The following NCAN variants were observed in gnomAD, a reference collection of about 807,000 sequenced individuals.
NCAN encodes the protein neurocan, also known as neurocan core protein.
A neutral mutation model predicts 121.8 loss-of-function variants in NCAN; 47 were observed. The observed-to-expected ratio is 0.39, with a 90% CI of 0.31 to 0.49. The LOEUF is 0.49. Ranked by LOEUF, NCAN falls within the 20% of genes least tolerant of loss-of-function variation. The probability of loss-of-function intolerance (pLI) is 0.92; values close to 1 mark genes in which losing one functional copy is unlikely to be tolerated. For synonymous variants in NCAN, 633 were observed against 702.0 expected (o/e 0.90, Z 1.55); for missense variants, 1,517 against 1,773.4 (o/e 0.86, Z 2.60).
chr19:19,222,435 C>A (rs1194950440), intron 3 of NCAN, among the ~76,000 whole-genome samples: 1 of 152,142 alleles, frequency 6.6e-6, no homozygotes, highest in Non-Finnish European at 1.5e-5. Flanking sequence ...CACACAACCA[C>A]ACCTGGCTAA....
chr19:19,233,923 AG>A lies in NCAN; in HGVS notation c.3136+20del. ...TGAGATTGGTGAGTACCCCAGACTCAGGATCTGAATCTGAATTTGTTTGACT... is the reference window on the plus strand; with the variant it reads ...TGAGATTGGTGAGTACCCCAGACTCAGATCTGAATCTGAATTTGTTTGACT... On this transcript the variant is annotated intron_variant, in intron 9 of 14. Coordinates refer to ENST00000252575, the MANE Select transcript of NCAN (RefSeq NM_004386.3). The A allele has an allele frequency of 6.7e-7, 1 of 1,498,828 alleles. No individual in the cohort carries two copies. The highest frequency in any genetic ancestry group is 2.3e-5 in the East Asian group (1 of 44,352). 92.8% of individuals were successfully genotyped at this position (1,498,828 alleles called of 1,614,324 possible). A position where few individuals can be genotyped will look rare whatever the true frequency, so the allele number is the denominator to read the frequency against.
intron 3 of NCAN, among the ~76,000 whole-genome samples, chr19:19,220,450 C>CTTTTTTTTTTTT (rs71170607): frequency 1.4e-5 from 1 of 72,694 alleles, no homozygotes; most frequent in African/African-American, 6.0e-5. Context: ...TTAGGCAATT[C>CTTTTTTTTTTTT]TTTTTTTTTT....
At chr19:19,246,687 C>T (rs1278128515) in intron 13 of NCAN, among the ~76,000 whole-genome samples, 1 of 151,894 alleles carries the variant, frequency 6.6e-6, no homozygotes, top group Non-Finnish European at 1.5e-5. Flanking sequence ...GCACACACCA[C>T]ACCTGGCTAA....
chr19:19,216,641 T>G (rs934610226), intron 1 of NCAN, among the ~76,000 whole-genome samples: 3 of 151,236 alleles, frequency 2.0e-5, no homozygotes, highest in Non-Finnish European at 4.4e-5. Context: ...AAGATCTCAC[T>G]ATGTTGCCCA....
chr19:19,244,954 C>A (rs887186023), intron 12 of NCAN, among the ~76,000 whole-genome samples: 1 of 150,428 alleles, frequency 6.6e-6, no homozygotes, highest in African/African-American at 2.4e-5. Context: ...TCAGGTGATC[C>A]GCCCACCTCG....
chr19:19,212,633 T>C lies in NCAN; in HGVS notation c.-8+569T>C, dbSNP rs2146532705. Among the ~76,000 whole-genome samples the C allele has an allele frequency of 6.6e-6, 1 of 152,318 alleles. No homozygotes were observed. Among genetic ancestry groups the C allele is most frequent in the South Asian group, 2.1e-4 (1 of 4,830 alleles). On this transcript the variant is annotated intron_variant, in intron 1 of 14. Transcript: ENST00000252575. This position sits in a 1 kb window ranked among gnomAD's most constrained non-coding sequence, Gnocchi z 4.5. ...GCTCCCTGCCATCTCCCTGTCCTTT[T>C]GGGTCAGGTCCGGTCACCACGTTCT...
chr19:19,228,305 C>T lies in NCAN; in HGVS notation c.2685C>T (p.Ser895=). 1.2e-6 allele frequency: 2 copies of T among 1,613,992 alleles called. No homozygotes were observed. The highest frequency in any genetic ancestry group is 2.2e-5 in the South Asian group (2 of 91,082). Reference sequence around the variant, plus strand: ...TGTCTACACTGGGCTCCTCAAGCTCCCAACCCCACCCAGAGCCAGAGGATC... The same window carrying T: ...TGTCTACACTGGGCTCCTCAAGCTCTCAACCCCACCCAGAGCCAGAGGATC... The part of the protein sequence containing the change: ...PAMSTLGSSS[S]QPHPEPEDQV... Residue 895 remains serine (S), a synonymous_variant, in exon 8 of 15, where the codon TCC becomes TCT. Coordinates refer to ENST00000252575, the MANE Select transcript of NCAN (RefSeq NM_004386.3).
intron 14 of NCAN, 171 bp downstream of exon 14, chr19:19,249,053 G>GT: frequency 5.0e-6 from 2 of 402,346 alleles, no homozygotes; most frequent in South Asian, 6.3e-5. Context: ...ATTTGTGTGT[G>GT]TGTGTGTGTG....
At chr19:19,230,637 A>G (rs11668677) in intron 8 of NCAN, among the ~76,000 whole-genome samples, 11,124 of 151,282 alleles carry the variant, frequency 0.074, 751 homozygotes, top group African/African-American at 0.17. Flanking sequence ...TTTGAAGGCA[A>G]AGTGTCATGA....
At position 19,248,775 on chromosome 19, in the gene NCAN, C is replaced by T; in HGVS notation, c.3713C>T (p.Ala1238Val). The stretch of plus-strand genomic sequence containing the variant: ...CGCAAGGCCAAGTACAATGTCCATG[C>T]CACTGTAAGGTACCAGTGCAATGAA... ...GARKAKYNVHATVRYQCNEGF... is the reference protein window; with the variant it reads ...GARKAKYNVHVTVRYQCNEGF... The change falls in exon 14 of 15, where the codon GCC becomes GTC. Residue 1238 changes from alanine (A) to valine (V), a missense_variant. Coordinates refer to ENST00000252575, the MANE Select transcript of NCAN (RefSeq NM_004386.3). 1 of 1,614,154 alleles carries T rather than the reference C, an allele frequency of 6.2e-7. No homozygotes were observed. Among genetic ancestry groups the T allele is most frequent in the Non-Finnish European group, 8.5e-7 (1 of 1,179,976 alleles).
rs2146549453 is a variant in NCAN at position 19,235,179 on chromosome 19, C to T, written c.3250+83C>T. 3.9e-6 allele frequency: 3 copies of T among 769,566 alleles called. No individual in the cohort carries two copies. In the South Asian group the frequency reaches 5.2e-5, roughly 13 times the overall value. The allele number at this position is 769,566 out of a possible 1,614,324, so 47.7% of individuals were successfully genotyped here. ...ACAGGCTTCCCCACATACTCCAGGT[C>T]CCTGCCTCCAGTTCCATGGCTGTGA... On this transcript the variant is annotated intron_variant, in intron 10 of 14. Coordinates refer to ENST00000252575, the MANE Select transcript of NCAN (RefSeq NM_004386.3).
chr19:19,215,620 T>G (rs989661358), intron 1 of NCAN, among the ~76,000 whole-genome samples: 1 of 152,148 alleles, frequency 6.6e-6, no homozygotes, highest in African/African-American at 2.4e-5. Flanking sequence ...TGGGCAGGGG[T>G]GAGCCCCTTC....
chr19:19,222,361 C>G (rs756647787), intron 3 of NCAN, among the ~76,000 whole-genome samples: 12 of 152,154 alleles, frequency 7.9e-5, no homozygotes, highest in Non-Finnish European at 1.8e-4. Flanking sequence ...CTCACTGCAC[C>G]TCTGCCTCGT....
At chr19:19,242,834 CG>C (rs1482136627) in intron 12 of NCAN, among the ~76,000 whole-genome samples, 1 of 152,006 alleles carries the variant, frequency 6.6e-6, no homozygotes, top group African/African-American at 2.4e-5. Context: ...GAATATTGTT[CG>C]GCCATAAAGG....
chr19:19,221,776 G>T (rs906670641), intron 3 of NCAN, among the ~76,000 whole-genome samples: 2 of 152,022 alleles, frequency 1.3e-5, no homozygotes, highest in East Asian at 3.9e-4. Context: ...TGTAGTCTCA[G>T]CTTGTCAGGA....
At chr19:19,229,639 CTG>C (rs2060851097) in intron 8 of NCAN, among the ~76,000 whole-genome samples, 1 of 152,242 alleles carries the variant, frequency 6.6e-6, no homozygotes, top group South Asian at 2.1e-4. Flanking sequence ...CTTAGCTACT[CTG>C]TGGCCAGCAG....
chr19:19,247,956 C>G (rs1446950503), intron 13 of NCAN, among the ~76,000 whole-genome samples: 1 of 151,876 alleles, frequency 6.6e-6, no homozygotes, highest in East Asian at 1.9e-4. Context: ...AAAACTAGCC[C>G]GGGCAACATA....
At chr19:19,220,287 A>C (rs2060811609) in intron 3 of NCAN, among the ~76,000 whole-genome samples, 1 of 151,858 alleles carries the variant, frequency 6.6e-6, no homozygotes, top group African/African-American at 2.4e-5. Flanking sequence ...ATTTTATGTA[A>C]GACAAAGGAT....
At chr19:19,248,314 G>A (rs1409490621) in intron 13 of NCAN, among the ~76,000 whole-genome samples, 1 of 152,058 alleles carries the variant, frequency 6.6e-6, no homozygotes, top group South Asian at 2.1e-4. Context: ...CCATGGTGGT[G>A]CATGTCTGTA....
Sources: gnomAD v4.1 joint callset for allele counts (sites outside exome capture counted in the v4.1 genomes callset) on GRCh38, gnomAD v4.1.1 for gene constraint, Gnocchi (gnomAD v3.1) non-coding constraint, MANE v1.5 for transcripts, NCBI Gene and HGNC (gene_info 2026-07-23, HGNC 2026-07-21) for gene names.